Variants in CSF2RA observed in about 807,000 individuals in gnomAD.
CSF2RA encodes granulocyte-macrophage colony-stimulating factor receptor subunit alpha.
Under a neutral mutation model 51.6 loss-of-function variants are expected in CSF2RA, and 42 were observed. The ratio of observed to expected loss-of-function variants is 0.81; its 90% CI spans 0.64 to 1.05. The LOEUF (loss-of-function observed/expected upper bound fraction) is 1.05, where lower values mean the gene tolerates loss of function less well. Ranked by LOEUF, CSF2RA falls within the 50% of genes least tolerant of loss-of-function variation. CSF2RA has a pLI of 0.00. For synonymous variants in CSF2RA, 222 were observed against 193.0 expected, an observed-to-expected ratio of 1.15 and a Z score of -1.24; for missense variants, 530 against 501.1, an observed-to-expected ratio of 1.06 and a Z score of -0.55.
the CSF2RA span, among the ~76,000 whole-genome samples, chrX:1,324,925 G>A: frequency 4.6e-5 from 7 of 152,094 alleles, no homozygotes; most frequent in South Asian, 4.1e-4. Context: ...GGTACTCAGC[G>A]ATCACAGGAC....
chrX:1,293,880 C>T (rs1401989365), intron 7 of CSF2RA: 3 of 374,958 alleles, frequency 8.0e-6, no homozygotes, highest in Non-Finnish European at 1.5e-5. Context: ...CCTGCCCCAC[C>T]TCCACCTGGA....
intron 9 of CSF2RA, among the ~76,000 whole-genome samples, chrX:1,297,088 C>A (rs1353265913): frequency 2.2e-4 from 13 of 58,218 alleles, no homozygotes; most frequent in Non-Finnish European, 3.0e-4. Flanking sequence ...TGACCCCTGG[C>A]GGAACCCTAC....
Position 1,305,427 on chromosome X carries a change from C to CTTT in CSF2RA, c.1044-16_1044-14dup. 1.2e-6 allele frequency: 2 copies of CTTT among 1,613,870 alleles called. No individual in the cohort carries two copies. Among genetic ancestry groups the CTTT allele is most frequent in the East Asian group, 4.5e-5 (2 of 44,888 alleles). On this transcript the variant is annotated intron_variant, in intron 11 of 12. Transcript: ENST00000381529. ...TGACCCGGGGTTCATTCTCTTCACA[C>CTTT]TTTTTCTCTGTGTCTCAGGTTCCTT...
chrX:1,323,814 A>G, the CSF2RA span, among the ~76,000 whole-genome samples: 1 of 151,762 alleles, frequency 6.6e-6, no homozygotes, highest in Non-Finnish European at 1.5e-5. Flanking sequence ...GGAGATCGAA[A>G]CCATCCTGGC....
rs148483998 is a variant in CSF2RA, at chrX:1,308,109, C to T, written c.1126-1293C>T. 8.7e-3 allele frequency among the ~76,000 whole-genome samples: 1,319 copies of T among 152,242 alleles called. 18 individuals are homozygous for T. The highest frequency in any genetic ancestry group is 0.029 in the African/African-American group (1,222 of 41,522). On this transcript the variant is annotated intron_variant, in intron 12 of 12. Coordinates refer to ENST00000381529, the MANE Select transcript of CSF2RA (RefSeq NM_172245.4). ...CTTTGACTGATTAGATAAGGCCCAC[C>T]CACATTCTCCAGTCCAATCTCTTTT...
chrX:1,303,720 G>T (rs1485909436), intron 10 of CSF2RA, among the ~76,000 whole-genome samples: 2 of 152,170 alleles, frequency 1.3e-5, no homozygotes, highest in Non-Finnish European at 2.9e-5. Context: ...TTCCTTGTGG[G>T]CAAAACATAG....
At chrX:1,314,602 C>G (rs374572810), downstream of CSF2RA, among the ~76,000 whole-genome samples, 5 of 15,986 alleles carry the variant, frequency 3.1e-4, no homozygotes, top group African/African-American at 6.0e-4. Context: ...ACCTGCCCAA[C>G]CCCACTGCAC....
chrX:1,283,115 GTTCCTTCGTTCCTTCC>G (rs1347942056), intron 3 of CSF2RA, among the ~76,000 whole-genome samples: 13,468 of 91,096 alleles, frequency 0.15, 838 homozygotes, highest in Admixed American at 0.21. Flanking sequence ...TCGTTCCTTC[GTTCCTTCGTTCCTTCC>G]TTCCTTCCTT....
At chrX:1,316,286 AT>A in the CSF2RA span, among the ~76,000 whole-genome samples, 1 of 148,314 alleles carries the variant, frequency 6.7e-6, no homozygotes, top group Non-Finnish European at 1.5e-5. Flanking sequence ...AGATAGATAG[AT>A]AGATAGATAG....
chrX:1,290,839 C>T (rs1420278601), intron 7 of CSF2RA, among the ~76,000 whole-genome samples: 1 of 152,040 alleles, frequency 6.6e-6, no homozygotes, highest in Non-Finnish European at 1.5e-5. Context: ...CCAGCTTGAG[C>T]GACAGAGCAA....
chrX:1,314,252 C>G (rs1213826705), downstream of CSF2RA, among the ~76,000 whole-genome samples: 1 of 30,746 alleles, frequency 3.3e-5, no homozygotes, highest in Admixed American at 3.4e-4. Flanking sequence ...CCCACTGCAC[C>G]TGCCCAACCC....
At chrX:1,320,722 A>C in the CSF2RA span, among the ~76,000 whole-genome samples, 36 of 143,280 alleles carry the variant, frequency 2.5e-4, no homozygotes, top group Non-Finnish European at 3.0e-5. Flanking sequence ...CATGTTGGCC[A>C]GGATGGTCTC....
At chrX:1,287,374 C>A (rs188491368) in intron 4 of CSF2RA, among the ~76,000 whole-genome samples, 52 of 141,116 alleles carry the variant, frequency 3.7e-4, no homozygotes, top group South Asian at 1.6e-3. Context: ...GGCTGGTCTC[C>A]AACTCCTGAC....
chrX:1,274,410 C>A, intron 1 of CSF2RA, among the ~76,000 whole-genome samples: 2 of 145,832 alleles, frequency 1.4e-5, no homozygotes, highest in Middle Eastern at 7.3e-3. Context: ...CTGTAACCTC[C>A]GCCTCCCGTG....
chrX:1,268,980 GA>G (rs1477713589), intron 1 of CSF2RA, 101 bp downstream of exon 1: 1 of 423,690 alleles, frequency 2.4e-6, no homozygotes, highest in South Asian at 1.6e-5. Flanking sequence ...GACTGAACTG[GA>G]ACATAAGATT....
chrX:1,314,992 C>T (rs1177426887), downstream of CSF2RA, among the ~76,000 whole-genome samples: 6 of 117,020 alleles, frequency 5.1e-5, no homozygotes, highest in African/African-American at 1.9e-4. Context: ...TCGCACTGCA[C>T]CTGCCCAACC....
intron 9 of CSF2RA, among the ~76,000 whole-genome samples, chrX:1,297,678 C>T (rs1276807826): frequency 2.2e-5 from 1 of 44,486 alleles, no homozygotes; most frequent in Non-Finnish European, 4.6e-5. Context: ...CAGTCCCCTA[C>T]TCACGACCCC....
chrX:1,305,788 A>G, intron 12 of CSF2RA: 2 of 1,550,704 alleles, frequency 1.3e-6, no homozygotes, highest in Non-Finnish European at 1.7e-6. Context: ...GGAGGAGAAG[A>G]CGGTAGAGAG....
downstream of CSF2RA, among the ~76,000 whole-genome samples, chrX:1,314,895 A>T (rs867129142): frequency 3.0e-3 from 37 of 12,534 alleles, no homozygotes; most frequent in African/African-American, 5.7e-3. Context: ...AACCACACTG[A>T]ACCTGCTCAA....
Sources: allele counts gnomAD v4.1 joint callset (sites outside exome capture counted in the v4.1 genomes callset), GRCh38; gene constraint gnomAD v4.1.1; transcripts MANE v1.5; gene names NCBI Gene and HGNC (gene_info 2026-07-23, HGNC 2026-07-21).